Variants in GTPBP1 observed in about 807,000 individuals in gnomAD.
The protein encoded by GTPBP1 is GTP-binding protein 1.
A neutral mutation model predicts 62.0 loss-of-function variants in GTPBP1; 23 were observed. The observed-to-expected ratio is 0.37, with a 90% CI of 0.27 to 0.53. The LOEUF is 0.53. Among genes scored for constraint, GTPBP1 ranks in the 20% least tolerant of loss-of-function variants. The pLI, the probability that GTPBP1 is intolerant of heterozygous loss-of-function variation, is 0.89. For missense variants in GTPBP1, 640 were observed against 917.3 expected, an observed-to-expected ratio of 0.70 and a Z score of 3.90; for synonymous variants, 344 against 364.4, an observed-to-expected ratio of 0.94 and a Z score of 0.64.
At chr22:38,742,431 C>A (rs2092866891), downstream of GTPBP1, 2 of 1,613,450 alleles carry the variant, frequency 1.2e-6, no homozygotes, top group African/African-American at 1.3e-5. Context: ...GCCAGGAGCC[C>A]CTTGCCGCAG....
downstream of GTPBP1, chr22:38,738,060 G>A: frequency 1.1e-6 from 1 of 937,308 alleles, no homozygotes. The surrounding 1 kb of genome is among the most constrained non-coding windows in gnomAD (Gnocchi z 6.6). Context: ...TGGGAAAGGA[G>A]AGCAGGGCTT....
At chr22:38,740,084 G>C (rs916613380), downstream of GTPBP1, 1 of 1,214,108 alleles carries the variant, frequency 8.2e-7, no homozygotes. The surrounding 1 kb of genome is among the most constrained non-coding windows in gnomAD (Gnocchi z 4.8). Context: ...ACACTCCATG[G>C]GCACTAACAA....
chr22:38,741,410 T>C (rs1486172886), downstream of GTPBP1: 1 of 1,407,888 alleles, frequency 7.1e-7, no homozygotes, highest in African/African-American at 1.4e-5. Flanking sequence ...ACAGTCCCTT[T>C]GGAAGGGCCG....
intron 5 of GTPBP1, 40 bp downstream of exon 5, chr22:38,721,905 G>T (rs970593891): frequency 1.3e-6 from 2 of 1,518,108 alleles, no homozygotes; most frequent in East Asian, 2.4e-5. Context: ...CCTCTGATTG[G>T]GGCTGTCACC....
downstream of GTPBP1, chr22:38,737,672 A>T: frequency 2.8e-6 from 1 of 351,280 alleles, no homozygotes; most frequent in South Asian, 2.1e-5. This position sits in a 1 kb window ranked among gnomAD's most constrained non-coding sequence, Gnocchi z 4.1. Flanking sequence ...GCTTAGGCCA[A>T]TGGTTTGTTC....
At chr22:38,742,211 A>C, downstream of GTPBP1, 1 of 1,477,850 alleles carries the variant, frequency 6.8e-7, no homozygotes, top group East Asian at 2.3e-5. Context: ...GTCTGATCCC[A>C]AATGACACTT....
In GTPBP1 at chr22:38,731,010, T is replaced by TTGTTTGTG. The variant is rs577081672; in HGVS notation, c.*309_*310insTTGTGTGT. 17 of 183,660 alleles carry TTGTTTGTG rather than the reference T, an allele frequency of 9.3e-5. No individual in the cohort carries two copies. Among genetic ancestry groups the TTGTTTGTG allele is most frequent in the African/African-American group, 4.3e-4 (16 of 36,974 alleles). The allele number at this position is 183,660 out of a possible 1,614,324, so 11.4% of individuals were successfully genotyped here. The stretch of plus-strand genomic sequence containing the variant: ...TATTATATGTCTCTGTCTCTCTCTA[T>TTGTTTGTG]TGTGTGTGTGTGTGTGTGTGTGTGT... On this transcript the variant is annotated 3_prime_UTR_variant, in exon 12 of 12. Coordinates refer to ENST00000216044, the MANE Select transcript of GTPBP1 (RefSeq NM_004286.5).
intron 10 of GTPBP1, 190 bp downstream of exon 10, chr22:38,728,351 G>A (rs2092737973): frequency 1.7e-6 from 1 of 577,686 alleles, no homozygotes; most frequent in South Asian, 2.1e-5. Context: ...CAGTGGTGGT[G>A]ACCATGGAGA....
chr22:38,723,172 T>C (rs2092709930), intron 5 of GTPBP1: 5 of 855,822 alleles, frequency 5.8e-6, no homozygotes, highest in Non-Finnish European at 1.0e-5. Context: ...AAGCAACAGT[T>C]TCTGTAGGAC....
chr22:38,721,806 A>G lies in GTPBP1; in HGVS notation c.899A>G (p.Asn300Ser), dbSNP rs200154415. 6.2e-7 allele frequency: 1 copy of G among 1,612,784 alleles called. No individual in the cohort carries two copies. The highest frequency in any genetic ancestry group is 1.1e-5 in the South Asian group (1 of 91,028). The change falls in exon 5 of 12, where the codon AAT (asparagine) becomes AGT (serine). Residue 300 changes from asparagine to serine, a missense_variant. Asn to Ser is a conservative substitution (Grantham distance 46). Coordinates refer to ENST00000216044, the MANE Select transcript of GTPBP1 (RefSeq NM_004286.5). ...CACCTGGGCTTGGCACTGGCACTCA[A>G]TGTACCTGTCTTTGTGGTAGTCACC... The part of the protein sequence containing the change: ...KEHLGLALAL[N>S]VPVFVVVTKI...
At chr22:38,742,465 C>G, downstream of GTPBP1, 9 of 1,613,682 alleles carry the variant, frequency 5.6e-6, no homozygotes, top group Non-Finnish European at 7.6e-6. Context: ...AGCCGCATGG[C>G]CTCCTTCTGC....
In GTPBP1 at chr22:38,711,704, G is replaced by A. The variant is rs558594868; in HGVS notation, c.304+2748G>A. Among the ~76,000 whole-genome samples the A allele has an allele frequency of 4.9e-4, 74 of 152,084 alleles. 2 individuals are homozygous for A. Among genetic ancestry groups the A allele is most frequent in the African/African-American group, 1.7e-3 (69 of 41,476 alleles). On this transcript the variant is annotated intron_variant, in intron 2 of 11. Coordinates refer to ENST00000216044, the MANE Select transcript of GTPBP1 (RefSeq NM_004286.5). Reference sequence around the variant, plus strand: ...TAAAAATGCAAAAAATTAGTTGGGCGTGGTGGTGCACTGCTGTAATCCCAA... The same window carrying A: ...TAAAAATGCAAAAAATTAGTTGGGCATGGTGGTGCACTGCTGTAATCCCAA...
rs926468572 is a variant in GTPBP1 at position 38,730,782 on chromosome 22, A to G, written c.*78A>G. The stretch of plus-strand genomic sequence containing the variant: ...ACTCCACCAGATGGGCAGAGCAGCT[A>G]TGACCGCCACCCAGCCCTCCCGCTC... On this transcript the variant is annotated 3_prime_UTR_variant, in exon 12 of 12. Coordinates refer to ENST00000216044, the MANE Select transcript of GTPBP1 (RefSeq NM_004286.5). The surrounding 1 kb of genome is among the most constrained non-coding windows in gnomAD (Gnocchi z 5.6). 130 of 774,344 alleles carry G rather than the reference A, an allele frequency of 1.7e-4. No individual in the cohort carries two copies. Among genetic ancestry groups the G allele is most frequent in the Non-Finnish European group, 2.2e-4 (107 of 490,662 alleles). The allele number at this position is 774,344 out of a possible 1,614,324, so 48.0% of individuals were successfully genotyped here. A position where few individuals can be genotyped will look rare whatever the true frequency, so the allele number is the denominator to read the frequency against.
At chr22:38,740,167 G>T, downstream of GTPBP1, 1 of 1,404,340 alleles carries the variant, frequency 7.1e-7, no homozygotes, top group Non-Finnish European at 9.4e-7. This position sits in a 1 kb window ranked among gnomAD's most constrained non-coding sequence, Gnocchi z 4.8. Context: ...GGGCATAACA[G>T]AGGCTGCAGG....
chr22:38,720,220 G>T (rs1435763554), intron 4 of GTPBP1, among the ~76,000 whole-genome samples: 1 of 150,392 alleles, frequency 6.6e-6, no homozygotes, highest in East Asian at 2.0e-4. Flanking sequence ...GAGCCACCGC[G>T]CCTGGCCTTT....
At chr22:38,741,014 A>C, downstream of GTPBP1, 1 of 1,594,996 alleles carries the variant, frequency 6.3e-7, no homozygotes, top group Non-Finnish European at 8.5e-7. Context: ...TACCTTTGCC[A>C]CTCTGACTTC....
At chr22:38,739,843 C>A (rs781710685), downstream of GTPBP1, 2 of 1,613,620 alleles carry the variant, frequency 1.2e-6, no homozygotes, top group Admixed American at 1.7e-5. The surrounding 1 kb of genome is among the most constrained non-coding windows in gnomAD (Gnocchi z 6.7). Context: ...CTCCAGCTCT[C>A]GCAGCTGAGC....
downstream of GTPBP1, chr22:38,742,222 GTTCTCTCTGCT>G: frequency 6.7e-7 from 1 of 1,493,342 alleles, no homozygotes; most frequent in Non-Finnish European, 9.0e-7. Context: ...AATGACACTT[GTTCTCTCTGCT>G]GCTGGGCACC....
intron 4 of GTPBP1, among the ~76,000 whole-genome samples, chr22:38,717,787 C>T (rs948598328): frequency 3.3e-5 from 5 of 151,942 alleles, no homozygotes; most frequent in East Asian, 3.9e-4. Flanking sequence ...CTGAGGGGAG[C>T]GGCAAGGCCT....
Sources: gnomAD v4.1 joint callset for allele counts (sites outside exome capture counted in the v4.1 genomes callset) on GRCh38, gnomAD v4.1.1 for gene constraint, Gnocchi (gnomAD v3.1) non-coding constraint, MANE v1.5 for transcripts, NCBI Gene and HGNC (gene_info 2026-07-23, HGNC 2026-07-21) for gene names.